Variants in ATP8A1 observed in about 807,000 individuals in gnomAD.
The protein encoded by ATP8A1 is ATPase phospholipid transporting 8A1.
ATP8A1 carries 90 observed loss-of-function variants against 177.7 expected under a neutral mutation model. The ratio of observed to expected loss-of-function variants is 0.51; its 90% CI spans 0.43 to 0.60. The LOEUF (loss-of-function observed/expected upper bound fraction) is 0.60, where lower values mean the gene tolerates loss of function less well. Ranked by LOEUF, ATP8A1 falls within the 20% of genes least tolerant of loss-of-function variation. The pLI, the probability that ATP8A1 is intolerant of heterozygous loss-of-function variation, is 0.00. For missense variants in ATP8A1, 1,072 were observed against 1,392.8 expected (o/e 0.77, Z 3.67); for synonymous variants, 493 against 485.9 (o/e 1.01, Z -0.19).
At chr4:42,470,187 G>T (rs993877167) in intron 25 of ATP8A1, among the ~76,000 whole-genome samples, 4 of 152,344 alleles carry the variant, frequency 2.6e-5, no homozygotes, top group African/African-American at 7.2e-5. Flanking sequence ...TCCACAAACA[G>T]AGGGTGGTCC....
At chr4:42,651,129 AGATCT>A (rs1431986814) in intron 1 of ATP8A1, among the ~76,000 whole-genome samples, 1 of 152,144 alleles carries the variant, frequency 6.6e-6, no homozygotes, top group Non-Finnish European at 1.5e-5. Flanking sequence ...CATCCATGTA[AGATCT>A]GACTTGCTCC....
At chr4:42,495,050 A>G (rs1437933883) in intron 24 of ATP8A1, among the ~76,000 whole-genome samples, 1 of 152,244 alleles carries the variant, frequency 6.6e-6, no homozygotes. Flanking sequence ...AAGAGGATAT[A>G]TATAAGAATC....
chr4:42,522,514 C>T (rs536014712), intron 21 of ATP8A1, among the ~76,000 whole-genome samples: 1 of 152,308 alleles, frequency 6.6e-6, no homozygotes, highest in East Asian at 1.9e-4. Context: ...TAATTCCCAA[C>T]CCTTTTAATC....
intron 22 of ATP8A1, among the ~76,000 whole-genome samples, chr4:42,513,691 G>A (rs573633021): frequency 2.8e-4 from 42 of 152,318 alleles, no homozygotes; most frequent in African/African-American, 9.1e-4. Context: ...AGCCAGCAGG[G>A]AATGGAAATG....
chr4:42,443,239 T>C (rs1716822958), intron 33 of ATP8A1, among the ~76,000 whole-genome samples: 1 of 152,308 alleles, frequency 6.6e-6, no homozygotes, highest in African/African-American at 2.4e-5. Flanking sequence ...TTAATCAAAA[T>C]GTATTTGTGG....
intron 6 of ATP8A1, among the ~76,000 whole-genome samples, chr4:42,591,847 AAAT>A (rs1042816284): frequency 2.0e-5 from 3 of 152,194 alleles, no homozygotes; most frequent in African/African-American, 7.2e-5. Flanking sequence ...TTGAAAATTA[AAAT>A]ATTATAAACA....
chr4:42,629,712 T>C (rs1398240468), intron 1 of ATP8A1, among the ~76,000 whole-genome samples: 1 of 152,208 alleles, frequency 6.6e-6, no homozygotes, highest in African/African-American at 2.4e-5. Context: ...TTCTCAGAAA[T>C]ATCTCAGTGA....
intron 5 of ATP8A1, among the ~76,000 whole-genome samples, chr4:42,612,201 G>A (rs988399730): frequency 6.6e-6 from 1 of 151,904 alleles, no homozygotes; most frequent in Non-Finnish European, 1.5e-5. Context: ...CATCTTATTC[G>A]CACTCCAGAT....
rs781165713 is a variant in ATP8A1 at position 42,588,373 on chromosome 4, A to C, written c.525-44T>G. On this transcript the variant is annotated intron_variant, in intron 7 of 36. Coordinates refer to ENST00000381668, the MANE Select transcript of ATP8A1 (RefSeq NM_006095.2). ...AAGCACAAAGATTTAGTGCGGGAAGAAAAGCATAATAATAACTTATTTAAA... is the reference window on the plus strand; with the variant it reads ...AAGCACAAAGATTTAGTGCGGGAAGCAAAGCATAATAATAACTTATTTAAA... 9 of 1,497,798 alleles carry C rather than the reference A, an allele frequency of 6.0e-6. No homozygotes were observed. In the African/African-American group the frequency reaches 1.2e-4, roughly 21 times the overall value. The allele number at this position is 1,497,798 out of a possible 1,614,324, so 92.8% of individuals were successfully genotyped here. A position where few individuals can be genotyped will look rare whatever the true frequency, so the allele number is the denominator to read the frequency against.
intron 33 of ATP8A1, among the ~76,000 whole-genome samples, chr4:42,432,812 A>G (rs1715459175): frequency 1.3e-5 from 2 of 152,184 alleles, no homozygotes; most frequent in Admixed American, 6.5e-5. Context: ...TGCAAATGCC[A>G]AATTCTCTGT....
intron 24 of ATP8A1, among the ~76,000 whole-genome samples, chr4:42,493,321 A>T (rs6843278): frequency 0.95 from 144,285 of 152,254 alleles, 68,818 homozygotes; most frequent in Non-Finnish European, 1. Flanking sequence ...ATCAAACATT[A>T]TTCACCTTCT....
intron 20 of ATP8A1, among the ~76,000 whole-genome samples, chr4:42,527,900 G>A (rs1025810274): frequency 1.3e-5 from 2 of 152,078 alleles, no homozygotes; most frequent in Non-Finnish European, 2.9e-5. Flanking sequence ...CTACATAACC[G>A]ACAATTTATG....
chr4:42,425,426 G>C (rs764967129), intron 33 of ATP8A1, among the ~76,000 whole-genome samples: 1 of 152,012 alleles, frequency 6.6e-6, no homozygotes, highest in African/African-American at 2.4e-5. Context: ...ATGAATTGAG[G>C]GGAAAAAAGT....
intron 33 of ATP8A1, among the ~76,000 whole-genome samples, chr4:42,441,047 AC>A (rs1716584919): frequency 6.6e-6 from 1 of 152,060 alleles, no homozygotes; most frequent in South Asian, 2.1e-4. Flanking sequence ...AATTACCTAC[AC>A]CCTGCATCAG....
rs1255941811 is a variant in ATP8A1, at chr4:42,455,691, G to T, written c.2620-92C>A. ...TTGTATACTCAACTGCTGCATAATA[G>T]CAGCATTAACATATTATACTCATGA... On this transcript the variant is annotated intron_variant, in intron 27 of 36. Transcript: ENST00000381668. 2.7e-6 allele frequency: 3 copies of T among 1,120,986 alleles called. No individual in the cohort carries two copies. The African/African-American group carries it at 4.8e-5, about 18-fold the overall frequency. The allele number at this position is 1,120,986 out of a possible 1,614,324, so 69.4% of individuals were successfully genotyped here.
At chr4:42,432,248 T>TTG (rs1715390253) in intron 33 of ATP8A1, among the ~76,000 whole-genome samples, 2 of 152,144 alleles carry the variant, frequency 1.3e-5, no homozygotes, top group Non-Finnish European at 2.9e-5. Context: ...AACTTTAACA[T>TTG]CTATATTTTT....
At chr4:42,496,768 G>A (rs1297386785) in intron 24 of ATP8A1, among the ~76,000 whole-genome samples, 3 of 149,912 alleles carry the variant, frequency 2.0e-5, no homozygotes, top group Admixed American at 6.7e-5. Context: ...ATATATATAC[G>A]CACATATATA....
Position 42,412,924 on chromosome 4 carries a change from C to T in ATP8A1, c.3487G>A (p.Glu1163Lys), listed in dbSNP as rs751157914. ...CTTTCAGGCTCTCCCCATCACCATT[C>T]GTCGGGCCTCTGTTTCGTGGTATCA... ...AYDTTKQRPD[E>K]W is the part of the protein sequence containing the mutation. Residue 1163 changes from glutamate to lysine, a missense_variant, in exon 37 of 37, where the codon GAA becomes AAA. Transcript: ENST00000381668. The T allele has an allele frequency of 1.1e-5, 17 of 1,613,176 alleles. No individual in the cohort carries two copies. Among genetic ancestry groups the T allele is most frequent in the African/African-American group, 6.7e-5 (5 of 74,886 alleles).
At chr4:42,451,923 G>GT in intron 30 of ATP8A1, 58 bp downstream of exon 30, 1 of 1,244,962 alleles carries the variant, frequency 8.0e-7, no homozygotes. Flanking sequence ...TTGACAATGA[G>GT]TTATTTTTCT....
Sources: allele counts gnomAD v4.1 joint callset (sites outside exome capture counted in the v4.1 genomes callset), GRCh38; gene constraint gnomAD v4.1.1; transcripts MANE v1.5; gene names NCBI Gene and HGNC (gene_info 2026-07-23, HGNC 2026-07-21).